The following TNNI3K variants were observed in gnomAD, a reference collection of about 807,000 sequenced individuals.
TNNI3K encodes the protein serine/threonine-protein kinase TNNI3K.
Under a neutral mutation model 114.5 loss-of-function variants are expected in TNNI3K, and 140 were observed. That is an observed-to-expected ratio of 1.22 (90% CI 1.07 to 1.41). The LOEUF (loss-of-function observed/expected upper bound fraction) is 1.41. Ranked by LOEUF, TNNI3K falls within the 40% of genes most tolerant of loss-of-function variation. The probability of loss-of-function intolerance (pLI) is 0.00; values close to 1 mark genes in which losing one functional copy is unlikely to be tolerated. For synonymous variants in TNNI3K, 347 were observed against 347.5 expected (o/e 1.00, Z 0.02); for missense variants, 1,125 against 1,007.6 (o/e 1.12, Z -1.58).
chr1:74,308,328 G>A (rs9728079), intron 5 of TNNI3K, among the ~76,000 whole-genome samples: 92,057 of 151,994 alleles, frequency 0.61, 31,276 homozygotes, highest in East Asian at 0.82. Context: ...AGACCACAGA[G>A]GAACAAAATT....
At chr1:74,410,633 A>G (rs186906923) in intron 17 of TNNI3K, among the ~76,000 whole-genome samples, 5 of 152,228 alleles carry the variant, frequency 3.3e-5, no homozygotes, top group East Asian at 1.9e-4. Flanking sequence ...AAACTAAACC[A>G]TGAAAGACTA....
chr1:74,334,353 G>A (rs1231020043), intron 6 of TNNI3K, among the ~76,000 whole-genome samples: 1 of 152,048 alleles, frequency 6.6e-6, no homozygotes, highest in Non-Finnish European at 1.5e-5. Flanking sequence ...ATGGTTATTT[G>A]CTGACTCATG....
At chr1:74,240,186 C>G (rs1224357950) in intron 2 of TNNI3K, 1 of 219,582 alleles carries the variant, frequency 4.6e-6, no homozygotes, top group African/African-American at 2.3e-5. Context: ...CTTATTTAGC[C>G]TTATTTATAT....
In TNNI3K at chr1:74,353,439, G is replaced by A. The variant is rs1358064333; in HGVS notation, c.1027+79G>A. The A allele has an allele frequency of 2.7e-6, 4 of 1,496,034 alleles. No homozygotes were observed. In the African/African-American group the frequency reaches 4.2e-5, roughly 16 times the overall value. The allele number at this position is 1,496,034 out of a possible 1,614,324, so 92.7% of individuals were successfully genotyped here. A position where few individuals can be genotyped will look rare whatever the true frequency, so the allele number is the denominator to read the frequency against. On this transcript the variant is annotated intron_variant, in intron 10 of 24. Coordinates refer to ENST00000326637, the MANE Select transcript of TNNI3K (RefSeq NM_015978.3). ...ATAATGGTATGCAAAGGGATGTGGGGGCATTGGGAGTGCTCAACTCCAGTG... is the reference window on the plus strand; with the variant it reads ...ATAATGGTATGCAAAGGGATGTGGGAGCATTGGGAGTGCTCAACTCCAGTG...
At chr1:74,321,321 A>C (rs1209887630) in intron 5 of TNNI3K, among the ~76,000 whole-genome samples, 1 of 152,138 alleles carries the variant, frequency 6.6e-6, no homozygotes. Flanking sequence ...GGCTCCCTTG[A>C]CAGGCATTCT....
chr1:74,471,625 T>C (rs1667936063), intron 21 of TNNI3K: 1 of 400,692 alleles, frequency 2.5e-6, no homozygotes, highest in South Asian at 1.3e-4. Context: ...GTTACTTTGA[T>C]TTTTCTGTCG....
At chr1:74,450,183 A>C (rs1357399464) in intron 20 of TNNI3K, among the ~76,000 whole-genome samples, 5 of 150,638 alleles carry the variant, frequency 3.3e-5, no homozygotes, top group South Asian at 4.3e-4. Context: ...TGAAGGCAGA[A>C]ATAAAGATGT....
chr1:74,536,518 T>A (rs1646662378), intron 23 of TNNI3K, among the ~76,000 whole-genome samples: 2 of 152,166 alleles, frequency 1.3e-5, no homozygotes, highest in Non-Finnish European at 2.9e-5. Flanking sequence ...CGGTGACTGA[T>A]GATCATTTTT....
At chr1:74,406,526 C>T (rs963169460) in intron 17 of TNNI3K, among the ~76,000 whole-genome samples, 3 of 152,172 alleles carry the variant, frequency 2.0e-5, no homozygotes, top group African/African-American at 4.8e-5. Flanking sequence ...ATCTCCCTAA[C>T]ATACTTTACT....
intron 21 of TNNI3K, among the ~76,000 whole-genome samples, chr1:74,473,275 C>T (rs1668027500): frequency 6.6e-6 from 1 of 152,028 alleles, no homozygotes; most frequent in South Asian, 2.1e-4. Context: ...AAGTTGAATG[C>T]TTTCCCGTAG....
At chr1:74,466,658 C>T (rs148771674) in intron 21 of TNNI3K, among the ~76,000 whole-genome samples, 1 of 152,276 alleles carries the variant, frequency 6.6e-6, no homozygotes, top group African/African-American at 2.4e-5. Flanking sequence ...TTGAGCCTGA[C>T]TTGGCTCTGG....
chr1:74,515,139 C>T (rs995885766), intron 23 of TNNI3K, among the ~76,000 whole-genome samples: 2 of 152,080 alleles, frequency 1.3e-5, no homozygotes, highest in South Asian at 4.1e-4. Context: ...GACTTTTAAC[C>T]TGCATAACAG....
intron 21 of TNNI3K, among the ~76,000 whole-genome samples, chr1:74,468,752 G>T (rs1248663486): frequency 6.6e-6 from 1 of 152,086 alleles, no homozygotes; most frequent in Admixed American, 6.5e-5. Context: ...GTAGAGATAG[G>T]AGAAGAGGAA....
intron 9 of TNNI3K, among the ~76,000 whole-genome samples, chr1:74,349,964 C>T (rs1197527717): frequency 6.6e-6 from 1 of 151,976 alleles, no homozygotes; most frequent in African/African-American, 2.4e-5. Context: ...TTTGTGTCTC[C>T]ATTTCCTGCA....
intron 23 of TNNI3K, among the ~76,000 whole-genome samples, chr1:74,515,774 A>G (rs1032209337): frequency 1.3e-5 from 2 of 152,226 alleles, no homozygotes. Flanking sequence ...TAAGTATGAT[A>G]AAAGCTAAGG....
intron 24 of TNNI3K, among the ~76,000 whole-genome samples, chr1:74,542,559 G>C (rs543743407): frequency 6.6e-6 from 1 of 152,330 alleles, no homozygotes; most frequent in African/African-American, 2.4e-5. Context: ...AGAGAGACCA[G>C]TTGACAGGAG....
At chr1:74,500,447 C>CA (rs1458880631) in intron 23 of TNNI3K, among the ~76,000 whole-genome samples, 214 of 150,728 alleles carry the variant, frequency 1.4e-3, no homozygotes, top group Non-Finnish European at 2.6e-3. Flanking sequence ...ACTAAAAATA[C>CA]AAAAAAATTA....
intron 17 of TNNI3K, among the ~76,000 whole-genome samples, chr1:74,419,282 A>G (rs1665281535): frequency 6.6e-6 from 1 of 152,058 alleles, no homozygotes; most frequent in South Asian, 2.1e-4. Context: ...ATCTCTTATA[A>G]GAACACTTGT....
intron 20 of TNNI3K, among the ~76,000 whole-genome samples, chr1:74,463,110 G>T (rs551489948): frequency 6.6e-6 from 1 of 152,240 alleles, no homozygotes; most frequent in South Asian, 2.1e-4. Context: ...TGTTTAATCT[G>T]CCTTTCAATC....
Sources: gnomAD v4.1 joint callset for allele counts (sites outside exome capture counted in the v4.1 genomes callset) on GRCh38, gnomAD v4.1.1 for gene constraint, MANE v1.5 for transcripts, NCBI Gene and HGNC (gene_info 2026-07-23, HGNC 2026-07-21) for gene names.